Variants in TTC7B observed in about 807,000 individuals in gnomAD.
TTC7B encodes tetratricopeptide repeat protein 7B.
In TTC7B, 28 loss-of-function variants were observed where a neutral mutation model predicts 106.8. The ratio of observed to expected loss-of-function variants is 0.26; its 90% confidence interval spans 0.19 to 0.36. The LOEUF is 0.36. TTC7B is among the 10% of genes least tolerant of loss of function. The probability of loss-of-function intolerance (pLI) is 1.00; values close to 1 mark genes in which losing one functional copy is unlikely to be tolerated. For synonymous variants in TTC7B, 405 were observed against 430.6 expected, an observed-to-expected ratio of 0.94 and a Z score of 0.74; for missense variants, 862 against 1,076.4, an observed-to-expected ratio of 0.80 and a Z score of 2.79.
At chr14:90,617,192 C>T (rs940053374) in intron 16 of TTC7B, among the ~76,000 whole-genome samples, 1 of 152,136 alleles carries the variant, frequency 6.6e-6, no homozygotes, top group East Asian at 1.9e-4. Context: ...AATTAACCCG[C>T]GGAAAACTGA....
At chr14:90,747,655 T>C (rs976424707) in intron 3 of TTC7B, among the ~76,000 whole-genome samples, 6 of 152,228 alleles carry the variant, frequency 3.9e-5, no homozygotes, top group Non-Finnish European at 7.3e-5. Context: ...TATATTGTGT[T>C]GTCCCAAGGC....
At chr14:90,633,986 T>C (rs1245356321) in intron 15 of TTC7B, among the ~76,000 whole-genome samples, 1 of 152,034 alleles carries the variant, frequency 6.6e-6, no homozygotes, top group Non-Finnish European at 1.5e-5. Flanking sequence ...GTGATTCTCC[T>C]GCTTCAGCTA....
intron 9 of TTC7B, among the ~76,000 whole-genome samples, chr14:90,670,264 T>C (rs1325035622): frequency 1.3e-5 from 2 of 152,204 alleles, no homozygotes; most frequent in Non-Finnish European, 2.9e-5. Flanking sequence ...AGAGCAAGTA[T>C]TGCCTGATTC....
intron 18 of TTC7B, among the ~76,000 whole-genome samples, chr14:90,589,231 C>T (rs1891851558): frequency 6.6e-6 from 1 of 152,154 alleles, no homozygotes; most frequent in Non-Finnish European, 1.5e-5. Flanking sequence ...ATCACTTCCA[C>T]TGTTTAGAGT....
intron 14 of TTC7B, among the ~76,000 whole-genome samples, chr14:90,646,035 A>G (rs924860912): frequency 6.6e-6 from 1 of 152,244 alleles, no homozygotes; most frequent in Non-Finnish European, 1.5e-5. Context: ...CACCTGCTGC[A>G]GAAGCCCAGC....
In TTC7B at chr14:90,663,625, A is replaced by G. The variant is rs1166888956; in HGVS notation, c.1153-5238T>C. Among the ~76,000 whole-genome samples, 1 of 152,202 alleles carries G rather than the reference A, an allele frequency of 6.6e-6. No homozygotes were observed. The highest frequency in any genetic ancestry group is 2.4e-5 in the African/African-American group (1 of 41,458). ...AAAGTTCTCAATCGACAAAGATTAC[A>G]TGAGTCCTGTGTTTCCTCTACAGGC... On this transcript the variant is annotated intron_variant, in intron 9 of 19. Coordinates refer to ENST00000328459, the MANE Select transcript of TTC7B (RefSeq NM_001010854.2). The surrounding 1 kb of genome is among the most constrained non-coding windows in gnomAD (Gnocchi z 4.5).
intron 19 of TTC7B, among the ~76,000 whole-genome samples, chr14:90,576,269 C>A (rs1039718914): frequency 6.6e-6 from 1 of 151,990 alleles, no homozygotes; most frequent in Non-Finnish European, 1.5e-5. Flanking sequence ...TAGATGCTCT[C>A]AGCAAAAGCA....
At chr14:90,622,966 TC>T (rs1373546919) in intron 15 of TTC7B, among the ~76,000 whole-genome samples, 1 of 152,032 alleles carries the variant, frequency 6.6e-6, no homozygotes, top group Non-Finnish European at 1.5e-5. Context: ...GTGGTCAGCT[TC>T]CCCCATGTGT....
At position 90,686,250 on chromosome 14, in the gene TTC7B, G is replaced by A. The variant is rs542340246; in HGVS notation, c.950+3290C>T. 2.5e-4 allele frequency among the ~76,000 whole-genome samples: 38 copies of A among 152,248 alleles called. No individual in the cohort carries two copies. In the South Asian group the frequency reaches 7.9e-3, roughly 32 times the overall value. ...AACCCACATTATCATTTCAATTGATGCAGAAAAAGCAGTTGACAAAATTCA... is the reference window on the plus strand; with the variant it reads ...AACCCACATTATCATTTCAATTGATACAGAAAAAGCAGTTGACAAAATTCA... On this transcript the variant is annotated intron_variant, in intron 7 of 19. Coordinates refer to ENST00000328459, the MANE Select transcript of TTC7B (RefSeq NM_001010854.2).
intron 9 of TTC7B, 144 bp from the exon 10 acceptor site, chr14:90,658,531 A>C: frequency 1.3e-6 from 1 of 770,080 alleles, no homozygotes. Context: ...TCCACCACCA[A>C]ACGGCTCCTA....
chr14:90,679,110 C>G (rs189023294), intron 8 of TTC7B, among the ~76,000 whole-genome samples: 29 of 152,196 alleles, frequency 1.9e-4, no homozygotes, highest in African/African-American at 2.6e-4. Flanking sequence ...CTGATTGCAC[C>G]AAGGCAAGTA....
At chr14:90,722,707 T>C (rs944741445) in intron 5 of TTC7B, among the ~76,000 whole-genome samples, 2 of 152,236 alleles carry the variant, frequency 1.3e-5, no homozygotes, top group East Asian at 3.8e-4. Context: ...CACAGATGTC[T>C]TCCATGGTAT....
chr14:90,629,959 G>A (rs2139863283), intron 15 of TTC7B, among the ~76,000 whole-genome samples: 1 of 152,300 alleles, frequency 6.6e-6, no homozygotes, highest in Non-Finnish European at 1.5e-5. Flanking sequence ...ATCCCATGAG[G>A]ATTTAAACTG....
chr14:90,784,699 A>G (rs1187691405), intron 2 of TTC7B, among the ~76,000 whole-genome samples: 1 of 152,304 alleles, frequency 6.6e-6, no homozygotes, highest in Admixed American at 6.5e-5. Flanking sequence ...GAATGGGGAA[A>G]GAGAAGACCT....
intron 15 of TTC7B, among the ~76,000 whole-genome samples, chr14:90,640,038 GGAGGCC>G (rs1210035477): frequency 1.3e-5 from 2 of 152,192 alleles, no homozygotes; most frequent in Non-Finnish European, 2.9e-5. Flanking sequence ...CAGCACTTTG[GGAGGCC>G]GAGGCGCATG....
In TTC7B at chr14:90,527,334, A is replaced by G. The variant is rs757355624; in HGVS notation, c.*14034T>C. 5 of 152,126 alleles carry G rather than the reference A, an allele frequency of 3.3e-5. No homozygotes were observed. Among genetic ancestry groups the G allele is most frequent in the Non-Finnish European group, 7.4e-5 (5 of 68,018 alleles). The allele number at this position is 152,126 out of a possible 1,614,324, so 9.4% of individuals were successfully genotyped here. On this transcript the variant is annotated 3_prime_UTR_variant, in exon 20 of 20. Transcript: ENST00000328459. Reference sequence around the variant, plus strand: ...ACCAAGTCCAGCCCACACTCCAGTGATGAAGCTCCCCAAGCTTCACTTGAC... The same window carrying G: ...ACCAAGTCCAGCCCACACTCCAGTGGTGAAGCTCCCCAAGCTTCACTTGAC...
intron 5 of TTC7B, among the ~76,000 whole-genome samples, chr14:90,725,350 G>A (rs559248215): frequency 6.6e-6 from 1 of 152,158 alleles, no homozygotes; most frequent in Non-Finnish European, 1.5e-5. Flanking sequence ...TGCTGCTGCT[G>A]CTGTTGTATC....
chr14:90,606,718 T>C (rs879479178), intron 17 of TTC7B, among the ~76,000 whole-genome samples: 14 of 152,180 alleles, frequency 9.2e-5, no homozygotes, highest in Non-Finnish European at 1.5e-4. Flanking sequence ...GGGGCTATTT[T>C]AGTTTGACAT....
rs546594643 is a variant in TTC7B, at chr14:90,742,053, T to C, written c.576+2739A>G. On this transcript the variant is annotated intron_variant, in intron 4 of 19. Transcript: ENST00000328459. This position sits in a 1 kb window ranked among gnomAD's most constrained non-coding sequence, Gnocchi z 4.1. Reference sequence around the variant, plus strand: ...AATGCTACCAAAAGCTAAAGCTTACTTGGTCAAATAAAACATATTTATTGA... The same window carrying C: ...AATGCTACCAAAAGCTAAAGCTTACCTGGTCAAATAAAACATATTTATTGA... 6.6e-6 allele frequency among the ~76,000 whole-genome samples: 1 copy of C among 152,292 alleles called. No individual in the cohort carries two copies. The highest frequency in any genetic ancestry group is 2.1e-4 in the South Asian group (1 of 4,824).
Sources: gnomAD v4.1 joint callset for allele counts (sites outside exome capture counted in the v4.1 genomes callset) on GRCh38, gnomAD v4.1.1 for gene constraint, Gnocchi (gnomAD v3.1) non-coding constraint, MANE v1.5 for transcripts, NCBI Gene and HGNC (gene_info 2026-07-23, HGNC 2026-07-21) for gene names.